ARAP2: variants seen among roughly 807,000 people sequenced by gnomAD.
The protein encoded by ARAP2 is ArfGAP with RhoGAP domain, ankyrin repeat and PH domain 2.
ARAP2 carries 148 observed loss-of-function variants against 194.5 expected under a neutral mutation model. That is an observed-to-expected ratio of 0.76 (90% CI 0.67 to 0.87). ARAP2 has a LOEUF of 0.87. ARAP2 is among the 40% of genes least tolerant of loss of function. The probability of loss-of-function intolerance (pLI) is 0.00; values close to 1 mark genes in which losing one functional copy is unlikely to be tolerated. For missense variants in ARAP2, 2,128 were observed against 1,989.7 expected (o/e 1.07, Z -1.32); for synonymous variants, 695 against 683.5 (o/e 1.02, Z -0.26).
At chr4:36,128,310 T>G (rs1270806391) in intron 21 of ARAP2, among the ~76,000 whole-genome samples, 1 of 152,012 alleles carries the variant, frequency 6.6e-6, no homozygotes, top group Non-Finnish European at 1.5e-5. Flanking sequence ...AACGATTTAG[T>G]GAATATTTTG....
At chr4:36,042,660 G>A (rs1323659122) in intron 5 of ARAP2, among the ~76,000 whole-genome samples, 1 of 152,078 alleles carries the variant, frequency 6.6e-6, no homozygotes, top group Admixed American at 6.5e-5. Flanking sequence ...AAAGATAAAT[G>A]TTTATCTTGC....
intron 9 of ARAP2, among the ~76,000 whole-genome samples, chr4:36,007,687 G>A (rs930570691): frequency 5.6e-4 from 85 of 152,224 alleles, no homozygotes; most frequent in African/African-American, 1.9e-3. Context: ...ATTTCAATAC[G>A]CCCATAAATG....
intron 8 of ARAP2, among the ~76,000 whole-genome samples, chr4:36,185,229 G>T (rs1740248671): frequency 6.6e-6 from 1 of 151,952 alleles, no homozygotes; most frequent in African/African-American, 2.4e-5. Flanking sequence ...CCCTACTCTG[G>T]GACTCTAGCT....
At chr4:36,219,256 C>T (rs368847408) in intron 2 of ARAP2, among the ~76,000 whole-genome samples, 1 of 152,148 alleles carries the variant, frequency 6.6e-6, no homozygotes, top group South Asian at 2.1e-4. Context: ...AAATATGCCT[C>T]AAGAATAACC....
chr4:36,188,013 CG>C (rs1221125484), intron 7 of ARAP2, among the ~76,000 whole-genome samples: 2 of 152,142 alleles, frequency 1.3e-5, no homozygotes, highest in Non-Finnish European at 2.9e-5. Flanking sequence ...AAACACATAT[CG>C]GGTTTTCTAA....
intron 22 of ARAP2, 129 bp from the exon 23 acceptor site, chr4:36,121,455 CT>C (rs1170702054): frequency 1.3e-6 from 1 of 770,436 alleles, no homozygotes; most frequent in Non-Finnish European, 2.0e-6. Context: ...ACAGTGGTGA[CT>C]TAAAAGCATA....
Position 36,158,754 on chromosome 4 carries a change from A to G in ARAP2, c.2728T>C (p.Ser910Pro). The change falls in exon 15 of 33, where the codon TCT becomes CCT. Residue 910 changes from serine (S) to proline (P), a missense_variant. By Grantham distance (74) the Ser-to-Pro change is moderately conservative (BLOSUM62 -1). Transcript: ENST00000303965. ...YQAPSAASKL[S>P]SEKKLLEETN... The stretch of plus-strand genomic sequence containing the variant: ...CCTTCAAGCAGTTTTTTCTCTGAAG[A>G]GAGTTTAGAAGCAGCAGAAGGAGCT... 1.2e-6 allele frequency: 2 copies of G among 1,607,842 alleles called. No homozygotes were observed. The highest frequency in any genetic ancestry group is 8.5e-7 in the Non-Finnish European group (1 of 1,178,254).
intron 2 of ARAP2, among the ~76,000 whole-genome samples, chr4:36,223,465 T>G (rs1352283659): frequency 6.6e-6 from 1 of 152,164 alleles, no homozygotes; most frequent in Non-Finnish European, 1.5e-5. Context: ...TGTAATATGT[T>G]TGTAAGGCCT....
At chr4:36,045,987 A>G (rs565594129) in exon 5 of ARAP2, 40 of 152,326 alleles carry the variant, frequency 2.6e-4, no homozygotes, top group African/African-American at 9.6e-4. Flanking sequence ...ACCCATTTCC[A>G]TAGCTGTTAA....
intron 27 of ARAP2, among the ~76,000 whole-genome samples, chr4:36,105,784 A>G (rs1434121949): frequency 4.6e-5 from 7 of 151,910 alleles, no homozygotes. Context: ...AGACATACAG[A>G]ACCTTCACTT....
At chr4:36,100,255 A>C (rs1716495087) in intron 27 of ARAP2, among the ~76,000 whole-genome samples, 1 of 152,086 alleles carries the variant, frequency 6.6e-6, no homozygotes, top group Non-Finnish European at 1.5e-5. Context: ...ATTCACAGTA[A>C]CTATGAACTA....
At chr4:36,129,180 A>T (rs1322365603) in intron 20 of ARAP2, among the ~76,000 whole-genome samples, 1 of 151,902 alleles carries the variant, frequency 6.6e-6, no homozygotes, top group Non-Finnish European at 1.5e-5. Context: ...CTTATTTCCA[A>T]TGGAGAGTTG....
chr4:36,071,318 G>A lies in ARAP2; in HGVS notation c.4743+2371C>T, dbSNP rs114661260. ...AGATAAAGCAGCTTAGAACGATGGCGTTAAAGTAAGATATCCATGATTTTA... is the reference window on the plus strand; with the variant it reads ...AGATAAAGCAGCTTAGAACGATGGCATTAAAGTAAGATATCCATGATTTTA... On this transcript the variant is annotated intron_variant, in intron 32 of 32. Coordinates refer to ENST00000303965, the MANE Select transcript of ARAP2 (RefSeq NM_015230.4). Among the ~76,000 whole-genome samples the A allele has an allele frequency of 3.0e-3, 454 of 152,234 alleles. 1 individual carries two copies. The highest frequency in any genetic ancestry group is 0.01 in the African/African-American group (432 of 41,546).
intron 25 of ARAP2, among the ~76,000 whole-genome samples, chr4:36,116,023 T>C (rs1721233540): frequency 6.6e-6 from 1 of 152,010 alleles, no homozygotes; most frequent in Non-Finnish European, 1.5e-5. Context: ...GCATTAGTGA[T>C]GAACTTGTGC....
intron 2 of ARAP2, 56 bp downstream of exon 2, chr4:36,228,526 A>T: frequency 2.7e-6 from 4 of 1,487,744 alleles, no homozygotes; most frequent in Non-Finnish European, 2.7e-6. Context: ...ACTGTTAAAA[A>T]AAATCACTGA....
At chr4:36,155,017 C>T (rs1277039334) in intron 15 of ARAP2, among the ~76,000 whole-genome samples, 3 of 152,180 alleles carry the variant, frequency 2.0e-5, no homozygotes, top group Non-Finnish European at 4.4e-5. Flanking sequence ...TAGGGGCTTT[C>T]TGCACAAGAT....
At chr4:36,048,604 A>G (rs1722186325) in intron 3 of ARAP2, among the ~76,000 whole-genome samples, 1 of 152,142 alleles carries the variant, frequency 6.6e-6, no homozygotes, top group Non-Finnish European at 1.5e-5. Context: ...TATCCAAAAC[A>G]CCACTGATGG....
chr4:36,135,020 C>G (rs1050504313), intron 19 of ARAP2, among the ~76,000 whole-genome samples: 1 of 151,656 alleles, frequency 6.6e-6, no homozygotes, highest in Non-Finnish European at 1.5e-5. Flanking sequence ...TCAGTATCTC[C>G]GGTCATTAGC....
intron 9 of ARAP2, among the ~76,000 whole-genome samples, chr4:36,008,865 C>T (rs1014890298): frequency 6.6e-6 from 1 of 152,120 alleles, no homozygotes; most frequent in Admixed American, 6.6e-5. Context: ...ATACAAATAA[C>T]CTTATTCAAA....
Sources: allele counts gnomAD v4.1 joint callset (sites outside exome capture counted in the v4.1 genomes callset), GRCh38; gene constraint gnomAD v4.1.1; transcripts MANE v1.5; gene names NCBI Gene and HGNC (gene_info 2026-07-23, HGNC 2026-07-21).